POLR2B: variants seen among roughly 807,000 people sequenced by gnomAD.
POLR2B encodes RNA polymerase II subunit B, also known as DNA-directed RNA polymerase II subunit RPB2.
POLR2B carries 57 observed loss-of-function variants against 144.6 expected under a neutral mutation model. That is an observed-to-expected ratio of 0.39 (90% CI 0.32 to 0.49). The LOEUF (loss-of-function observed/expected upper bound fraction) is 0.49. POLR2B is among the 20% of genes least tolerant of loss of function. POLR2B has a pLI of 0.83. For synonymous variants in POLR2B, 442 were observed against 469.8 expected (o/e 0.94, Z 0.77); for missense variants, 595 against 1,467.4 (o/e 0.41, Z 9.71).
intron 23 of POLR2B, among the ~76,000 whole-genome samples, chr4:57,028,284 G>A (rs937001115): frequency 1.3e-5 from 2 of 152,150 alleles, no homozygotes; most frequent in Non-Finnish European, 2.9e-5. Flanking sequence ...TGCTTATGAA[G>A]TGTTCCATTT....
intron 3 of POLR2B, among the ~76,000 whole-genome samples, chr4:56,993,249 G>A (rs1461263524): frequency 6.6e-6 from 1 of 152,050 alleles, no homozygotes; most frequent in African/African-American, 2.4e-5. Context: ...GCTGCAGTGA[G>A]CCGAGATCAC....
chr4:56,993,250 C>T (rs1722577030), intron 3 of POLR2B, among the ~76,000 whole-genome samples: 1 of 129,818 alleles, frequency 7.7e-6, no homozygotes, highest in Non-Finnish European at 1.7e-5. Context: ...CTGCAGTGAG[C>T]CGAGATCACG....
In POLR2B at chr4:57,023,733, T is replaced by C; in HGVS notation, c.2838T>C (p.Gly946=). The C allele has an allele frequency of 6.2e-7, 1 of 1,606,382 alleles. No homozygotes were observed. The highest frequency in any genetic ancestry group is 8.5e-7 in the Non-Finnish European group (1 of 1,173,304). Residue 946 remains glycine (G), a synonymous_variant, in exon 20 of 25, where the codon GGT becomes GGC. Transcript: ENST00000314595. This position sits in a 1 kb window ranked among gnomAD's most constrained non-coding sequence, Gnocchi z 4.3. ...GACATGGTCAAAAGGGTACTTGTGG[T>C]ATTCAGTATAGACAAGAGGTAGGTA... The part of the protein sequence containing the change: ...ASRHGQKGTC[G]IQYRQEDMPF...
chr4:57,024,826 T>G, intron 21 of POLR2B, 60 bp from the exon 22 acceptor site: 1 of 804,366 alleles, frequency 1.2e-6, no homozygotes, highest in Non-Finnish European at 2.0e-6. Flanking sequence ...TTTATTGATA[T>G]GACTTTTAGG....
At chr4:57,022,122 G>T in intron 17 of POLR2B, 30 bp from the exon 18 acceptor site, 1 of 1,325,888 alleles carries the variant, frequency 7.5e-7, no homozygotes, top group South Asian at 1.2e-5. Flanking sequence ...AAAGAAAATA[G>T]ACTTTACCTT....
At position 56,984,837 on chromosome 4, in the gene POLR2B, G is replaced by A. The variant is rs78145694; in HGVS notation, c.20-1517G>A. On this transcript the variant is annotated intron_variant, in intron 1 of 24. Coordinates refer to ENST00000314595, the MANE Select transcript of POLR2B (RefSeq NM_000938.3). ...CTTATTCTTTCCCTTAAGAAGATGGGACTAATATTAGAGGACCAGTGCACA... is the reference window on the plus strand; with the variant it reads ...CTTATTCTTTCCCTTAAGAAGATGGAACTAATATTAGAGGACCAGTGCACA... Among the ~76,000 whole-genome samples the A allele has an allele frequency of 2.0e-5, 3 of 152,026 alleles. 1 individual carries two copies. The highest frequency in any genetic ancestry group is 2.0e-4 in the Admixed American group (3 of 15,254).
chr4:57,007,826 A>G (rs1723069590), intron 10 of POLR2B, among the ~76,000 whole-genome samples: 1 of 152,124 alleles, frequency 6.6e-6, no homozygotes, highest in African/African-American at 2.4e-5. Context: ...AAAACCTGTA[A>G]TGTACTTTAT....
At chr4:57,014,504 C>CTTT (rs773847681) in intron 13 of POLR2B, among the ~76,000 whole-genome samples, 13 of 66,678 alleles carry the variant, frequency 1.9e-4, no homozygotes, top group East Asian at 1.5e-3. Flanking sequence ...CTTTTTTTTT[C>CTTT]TTTTTTTTTT....
chr4:56,981,887 A>G (rs1353627325), intron 1 of POLR2B, among the ~76,000 whole-genome samples: 1 of 152,212 alleles, frequency 6.6e-6, no homozygotes, highest in African/African-American at 2.4e-5. Context: ...CGACTTCTCA[A>G]TTGATAAATG....
At chr4:56,995,719 T>C (rs975275895) in intron 6 of POLR2B, among the ~76,000 whole-genome samples, 3 of 152,202 alleles carry the variant, frequency 2.0e-5, no homozygotes, top group Non-Finnish European at 4.4e-5. Flanking sequence ...CTGCAGGATT[T>C]AGTTCTTCAT....
intron 6 of POLR2B, among the ~76,000 whole-genome samples, chr4:56,996,260 G>GTATATATATA (rs747288554): frequency 1.4e-5 from 1 of 71,900 alleles, no homozygotes; most frequent in Non-Finnish European, 2.4e-5. Flanking sequence ...GTGTGTGTGT[G>GTATATATATA]TGTATATATA....
intron 1 of POLR2B, among the ~76,000 whole-genome samples, chr4:56,981,093 A>G (rs1199703545): frequency 6.6e-6 from 1 of 152,140 alleles, no homozygotes; most frequent in Non-Finnish European, 1.5e-5. Flanking sequence ...GTGAACCTCC[A>G]AGCCCAGCCT....
intron 13 of POLR2B, among the ~76,000 whole-genome samples, chr4:57,013,764 G>A (rs754411152): frequency 9.9e-5 from 15 of 151,988 alleles, no homozygotes; most frequent in Non-Finnish European, 1.8e-4. Context: ...AGAACCAATC[G>A]TAGATAATAC....
chr4:57,001,411 G>C (rs189538261), intron 7 of POLR2B, among the ~76,000 whole-genome samples: 1 of 152,176 alleles, frequency 6.6e-6, no homozygotes, highest in African/African-American at 2.4e-5. Context: ...GGCAGCCTGC[G>C]TAGGCCTCCC....
intron 2 of POLR2B, among the ~76,000 whole-genome samples, chr4:56,988,649 A>G (rs1449962047): frequency 6.6e-6 from 1 of 152,200 alleles, no homozygotes; most frequent in Non-Finnish European, 1.5e-5. Flanking sequence ...AGCTAGAATG[A>G]AGCATTGTCC....
chr4:57,010,651 A>G (rs1723162761), intron 11 of POLR2B, 97 bp from the exon 12 acceptor site: 2 of 1,363,282 alleles, frequency 1.5e-6, no homozygotes, highest in African/African-American at 1.5e-5. Flanking sequence ...GAAAGTAAGA[A>G]TAAATCTTGA....
At chr4:56,997,044 AT>A (rs1722713249) in intron 6 of POLR2B, among the ~76,000 whole-genome samples, 1 of 152,090 alleles carries the variant, frequency 6.6e-6, no homozygotes, top group Non-Finnish European at 1.5e-5. Flanking sequence ...GTGAGCCCAG[AT>A]TGGCGCCACT....
intron 1 of POLR2B, chr4:56,985,412 G>C: frequency 1.0e-6 from 1 of 985,246 alleles, no homozygotes; most frequent in Non-Finnish European, 1.2e-6. Flanking sequence ...AGGCGGGGAT[G>C]GCACTCCCCC....
At chr4:56,996,395 C>T (rs1388328200) in intron 6 of POLR2B, among the ~76,000 whole-genome samples, 3 of 149,724 alleles carry the variant, frequency 2.0e-5, no homozygotes, top group Non-Finnish European at 4.4e-5. Context: ...ATTCTCCTGC[C>T]TCAGCCTCCC....
Sources: gnomAD v4.1 joint callset for allele counts (sites outside exome capture counted in the v4.1 genomes callset) on GRCh38, gnomAD v4.1.1 for gene constraint, Gnocchi (gnomAD v3.1) non-coding constraint, MANE v1.5 for transcripts, NCBI Gene and HGNC (gene_info 2026-07-23, HGNC 2026-07-21) for gene names.